The following FAN1 variants were observed in gnomAD, a reference collection of about 807,000 sequenced individuals.
FAN1 encodes the protein fanconi-associated nuclease 1.
FAN1 carries 91 observed loss-of-function variants against 104.9 expected under a neutral mutation model. That is an observed-to-expected ratio of 0.87 (90% CI 0.73 to 1.03). The LOEUF is 1.03. Ranked by LOEUF, FAN1 falls within the 50% of genes least tolerant of loss-of-function variation. The pLI, the probability that FAN1 is intolerant of heterozygous loss-of-function variation, is 0.00. For synonymous variants in FAN1, 478 were observed against 457.6 expected, an observed-to-expected ratio of 1.04 and a Z score of -0.57; for missense variants, 1,263 against 1,239.9, an observed-to-expected ratio of 1.02 and a Z score of -0.28.
In FAN1 at chr15:30,925,857, G is replaced by A. The variant is rs767701701; in HGVS notation, c.2406G>A (p.Gly802=). 1 of 1,614,220 alleles carries A rather than the reference G, an allele frequency of 6.2e-7. No individual in the cohort carries two copies. The highest frequency in any genetic ancestry group is 2.2e-5 in the East Asian group (1 of 44,892). The part of the protein sequence containing the change: ...MCKSVFVMEA[G]EAADPTTVLC... ...AGTCTGTGTTTGTGATGGAGGCCGG[G>A]GAGGCCGCTGACCCCACCACGGTCC... Residue 802 remains glycine, a synonymous_variant, in exon 10 of 15, where the codon GGG becomes GGA. Coordinates refer to ENST00000362065, the MANE Select transcript of FAN1 (RefSeq NM_014967.5).
intron 4 of FAN1, among the ~76,000 whole-genome samples, chr15:30,912,662 GGT>G (rs1566914412): frequency 6.6e-6 from 1 of 152,156 alleles, no homozygotes; most frequent in African/African-American, 2.4e-5. Flanking sequence ...GCACCAGAAG[GGT>G]GTGACATCTT....
At chr15:30,908,373 C>T (rs1051311707) in intron 3 of FAN1, 115 bp downstream of exon 3, 4 of 804,828 alleles carry the variant, frequency 5.0e-6, no homozygotes, top group Admixed American at 3.3e-5. Flanking sequence ...TGGTAACTTA[C>T]TGTTTTTTAA....
At position 30,904,690 on chromosome 15, in the gene FAN1, CAAAA is replaced by C. The variant is rs752820596; in HGVS notation, c.31_34del (p.Lys11GlyfsTer45). 5.6e-6 allele frequency: 9 copies of C among 1,603,324 alleles called. No individual in the cohort carries two copies. The highest frequency in any genetic ancestry group is 2.2e-5 in the East Asian group (1 of 44,744). ...TGATGTCAGAAGGGAAACCTCCTGACAAAAAAAGGCCTCGTAGAAGCTTATCAAT... is the reference window on the plus strand; with the variant it reads ...TGATGTCAGAAGGGAAACCTCCTGACAAAGGCCTCGTAGAAGCTTATCAAT... On this transcript the variant is annotated frameshift_variant, in exon 2 of 15. Coordinates refer to ENST00000362065, the MANE Select transcript of FAN1 (RefSeq NM_014967.5). LOFTEE classifies it high-confidence loss of function.
chr15:30,932,081 G>A (rs183104653), intron 13 of FAN1, among the ~76,000 whole-genome samples: 3 of 151,888 alleles, frequency 2.0e-5, no homozygotes, highest in Non-Finnish European at 2.9e-5. Flanking sequence ...AATTAGCCGG[G>A]TGTGGTGGCG....
At chr15:30,928,918 C>G (rs566113394) in intron 11 of FAN1, 1 of 473,838 alleles carries the variant, frequency 2.1e-6, no homozygotes, top group Non-Finnish European at 2.8e-6. Flanking sequence ...TCAGCCCTCC[C>G]GAGCACCTGC....
At position 30,930,528 on chromosome 15, in the gene FAN1, GTGTTTTGTGT is replaced by G; in HGVS notation, c.2788-13_2788-4del. On this transcript the variant is annotated splice_region_variant and splice_polypyrimidine_tract_variant and intron_variant, in intron 12 of 14. Coordinates refer to ENST00000362065, the MANE Select transcript of FAN1 (RefSeq NM_014967.5). Reference sequence around the variant, plus strand: ...CACGAGGGAAGTGGCTAACTGTCCTGTGTTTTGTGTTCAGGATCTTGTCTCCTGCCTGGGG... The same window carrying G: ...CACGAGGGAAGTGGCTAACTGTCCTGTCAGGATCTTGTCTCCTGCCTGGGG... 1 of 1,583,194 alleles carries G rather than the reference GTGTTTTGTGT, an allele frequency of 6.3e-7. No homozygotes were observed. The highest frequency in any genetic ancestry group is 8.5e-7 in the Non-Finnish European group (1 of 1,170,942).
At position 30,942,761 on chromosome 15, in the gene FAN1, T is replaced by C; in HGVS notation, c.*1199T>C. ...ACAGTCATTTGAGTTAAAAAGGGAA[T>C]GACCCCTCAGAAACCCGCATTAGCA... On this transcript the variant is annotated 3_prime_UTR_variant, in exon 15 of 15. Transcript: ENST00000362065. 1.1e-6 allele frequency: 1 copy of C among 936,890 alleles called. No individual in the cohort carries two copies. Among genetic ancestry groups the C allele is most frequent in the Non-Finnish European group, 1.5e-6 (1 of 651,688 alleles). The allele number at this position is 936,890 out of a possible 1,614,324, so 58.0% of individuals were successfully genotyped here.
At position 30,908,196 on chromosome 15, in the gene FAN1, A is replaced by T. The variant is rs2062024228; in HGVS notation, c.1313A>T (p.Glu438Val). Residue 438 changes from glutamate to valine, a missense_variant, in exon 3 of 15, where the codon GAG becomes GTG. By Grantham distance (121) the Glu-to-Val change is moderately radical. Coordinates refer to ENST00000362065, the MANE Select transcript of FAN1 (RefSeq NM_014967.5). ...WIKMTKLEYE[E>V]IALDLTPVIE... Reference sequence around the variant, plus strand: ...AAGATGACCAAATTAGAGTATGAAGAGATTGCCTTAGACTTAACACCTGTG... The same window carrying T: ...AAGATGACCAAATTAGAGTATGAAGTGATTGCCTTAGACTTAACACCTGTG... The T allele has an allele frequency of 6.2e-7, 1 of 1,611,852 alleles. No homozygotes were observed. The highest frequency in any genetic ancestry group is 8.5e-7 in the Non-Finnish European group (1 of 1,179,088).
At chr15:30,911,724 T>TG (rs1381077274) in intron 4 of FAN1, 2 of 947,518 alleles carry the variant, frequency 2.1e-6, no homozygotes, top group East Asian at 2.3e-4. Flanking sequence ...AAGTATTTGA[T>TG]GTTAACCTTA....
At chr15:30,908,672 C>T (rs2062034456) in intron 3 of FAN1, among the ~76,000 whole-genome samples, 1 of 142,900 alleles carries the variant, frequency 7.0e-6, no homozygotes, top group South Asian at 2.4e-4. Flanking sequence ...ATGGAGAAAC[C>T]CCATCTCTAC....
chr15:30,929,864 T>TATATATCATATATA (rs2062635332), intron 12 of FAN1, among the ~76,000 whole-genome samples: 1 of 61,818 alleles, frequency 1.6e-5, no homozygotes, highest in African/African-American at 1.0e-4. Flanking sequence ...TCATATATAA[T>TATATATCATATATA]ATATATAAAA....
At chr15:30,927,368 TG>T in intron 10 of FAN1, 1 of 985,546 alleles carries the variant, frequency 1.0e-6, no homozygotes, top group South Asian at 4.7e-5. Flanking sequence ...AAAGTCCTCC[TG>T]GAAGACTTGG....
At chr15:30,937,957 A>G (rs537583388) in intron 14 of FAN1, among the ~76,000 whole-genome samples, 5 of 151,206 alleles carry the variant, frequency 3.3e-5, no homozygotes, top group Admixed American at 6.6e-5. Flanking sequence ...TGAGCGAGGC[A>G]GGCGCATCAT....
At chr15:30,908,479 C>T (rs1198390663) in intron 3 of FAN1, among the ~76,000 whole-genome samples, 1 of 152,194 alleles carries the variant, frequency 6.6e-6, no homozygotes, top group Non-Finnish European at 1.5e-5. Context: ...AGATGGTCTG[C>T]TGCTGTTTTC....
chr15:30,904,127 G>C (rs1164332001), intron 1 of FAN1, 116 bp downstream of exon 1: 4 of 152,470 alleles, frequency 2.6e-5, no homozygotes, highest in South Asian at 2.1e-4. Context: ...GCTGCCCGCG[G>C]CTGGGGCGTT....
At position 30,925,165 on chromosome 15, in the gene FAN1, A is replaced by G. The variant is rs765883120; in HGVS notation, c.2211A>G (p.Glu737=). ...KCITEGLADP[E]VRTGHRLSLY... ...TCACAGAGGGGCTGGCGGATCCGGA[A>G]GTCAGAACGGGACACCGCCTTTCAC... Residue 737 remains glutamate, a synonymous_variant, in exon 9 of 15, where the codon GAA becomes GAG. Transcript: ENST00000362065. 1 of 1,613,994 alleles carries G rather than the reference A, an allele frequency of 6.2e-7. No individual in the cohort carries two copies. The highest frequency in any genetic ancestry group is 1.1e-5 in the South Asian group (1 of 91,054).
chr15:30,925,661 C>G, intron 9 of FAN1, 128 bp from the exon 10 acceptor site: 1 of 1,059,624 alleles, frequency 9.4e-7, no homozygotes, highest in Non-Finnish European at 1.4e-6. Flanking sequence ...GTGTGAGCCC[C>G]ACGCTGTGTG....
At position 30,905,307 on chromosome 15, in the gene FAN1, T is replaced by C; in HGVS notation, c.644T>C (p.Val215Ala). The C allele has an allele frequency of 3.7e-6, 6 of 1,613,946 alleles. No homozygotes were observed. Among genetic ancestry groups the C allele is most frequent in the Non-Finnish European group, 4.2e-6 (5 of 1,179,976 alleles). ...ILENSSQKENVFKCDSLKEEC... is the reference protein window; with the variant it reads ...ILENSSQKENAFKCDSLKEEC... The stretch of plus-strand genomic sequence containing the variant: ...GAGAACAGTTCTCAAAAAGAAAACG[T>C]GTTTAAATGTGATTCTCTAAAGGAA... Residue 215 changes from valine to alanine, a missense_variant, in exon 2 of 15, where the codon GTG (valine) becomes GCG (alanine). Transcript: ENST00000362065.
At chr15:30,930,405 A>G in intron 12 of FAN1, 138 bp from the exon 13 acceptor site, 1 of 967,158 alleles carries the variant, frequency 1.0e-6, no homozygotes, top group Non-Finnish European at 1.4e-6. Flanking sequence ...AAGCAGCAGA[A>G]CAGCGCATGG....
Sources: gnomAD v4.1 joint callset for allele counts (sites outside exome capture counted in the v4.1 genomes callset) on GRCh38, gnomAD v4.1.1 for gene constraint, MANE v1.5 for transcripts, NCBI Gene and HGNC (gene_info 2026-07-23, HGNC 2026-07-21) for gene names.